The following BMAL2 variants were observed in gnomAD, a reference collection of about 807,000 sequenced individuals.
BMAL2 encodes the protein basic helix-loop-helix ARNT like 2, also known as basic helix-loop-helix ARNT-like protein 2.
chr12:27,403,576 A>C, the BMAL2 span: 1 of 1,305,778 alleles, frequency 7.7e-7, no homozygotes, highest in South Asian at 1.3e-5. Flanking sequence ...TTTCAAAAGT[A>C]AAAATATCAT....
the BMAL2 span, among the ~76,000 whole-genome samples, chr12:27,379,144 G>GATTGAGTCTAGA: frequency 6.6e-6 from 1 of 152,176 alleles, no homozygotes; most frequent in Middle Eastern, 3.2e-3. Context: ...ATTGAGTCTA[G>GATTGAGTCTAGA]TTGTGTTACC....
At chr12:27,402,558 G>C in the BMAL2 span, 1 of 1,353,246 alleles carries the variant, frequency 7.4e-7, no homozygotes, top group Admixed American at 1.9e-5. Context: ...TCTTAGTGTA[G>C]TTGCTATAAC....
chr12:27,400,844 T>C, the BMAL2 span: 1 of 1,348,996 alleles, frequency 7.4e-7, no homozygotes, highest in Middle Eastern at 2.5e-4. Context: ...CGTGTCTTAG[T>C]AGCACTGCTA....
chr12:27,360,605 C>CT, the BMAL2 span, among the ~76,000 whole-genome samples: 1 of 151,624 alleles, frequency 6.6e-6, no homozygotes, highest in South Asian at 2.1e-4. Flanking sequence ...TTCCTGACAC[C>CT]TTAGGCATCT....
At chr12:27,337,755 A>G in the BMAL2 span, among the ~76,000 whole-genome samples, 2 of 152,186 alleles carry the variant, frequency 1.3e-5, 1 homozygote, top group South Asian at 4.1e-4. Flanking sequence ...CTGAGCCCCA[A>G]TTTCCTTATC....
chr12:27,380,438 G>A, the BMAL2 span: 1 of 1,609,068 alleles, frequency 6.2e-7, no homozygotes. Flanking sequence ...ACTTCGATAA[G>A]TGAAATCTGC....
the BMAL2 span, among the ~76,000 whole-genome samples, chr12:27,356,203 A>T: frequency 3.3e-5 from 5 of 152,194 alleles, no homozygotes; most frequent in Admixed American, 3.3e-4. Flanking sequence ...TGTTTAGGCG[A>T]AGGTGGAATG....
the BMAL2 span, chr12:27,376,240 A>T: frequency 1.0e-6 from 1 of 981,596 alleles, no homozygotes; most frequent in Non-Finnish European, 1.5e-6. Context: ...AGGATTTTAT[A>T]GGAATTAGGA....
the BMAL2 span, among the ~76,000 whole-genome samples, chr12:27,344,225 A>C: frequency 6.6e-6 from 1 of 152,200 alleles, no homozygotes; most frequent in South Asian, 2.1e-4. Context: ...CCTAGATTGC[A>C]TTCCTTTAGT....
chr12:27,361,721 A>AT, the BMAL2 span, among the ~76,000 whole-genome samples: 1 of 152,168 alleles, frequency 6.6e-6, no homozygotes, highest in African/African-American at 2.4e-5. Context: ...CAACATGGAG[A>AT]TTATTTCCAA....
At chr12:27,420,206 G>A in the BMAL2 span, among the ~76,000 whole-genome samples, 1 of 152,092 alleles carries the variant, frequency 6.6e-6, no homozygotes, top group Non-Finnish European at 1.5e-5. Flanking sequence ...ATAAAACTAG[G>A]TAACCCATTT....
chr12:27,348,480 T>A, the BMAL2 span, among the ~76,000 whole-genome samples: 23 of 152,314 alleles, frequency 1.5e-4, no homozygotes, highest in African/African-American at 5.1e-4. Context: ...TATTTTTTTT[T>A]AATCTTAATT....
At chr12:27,400,684 T>C in the BMAL2 span, 56 of 1,613,896 alleles carry the variant, frequency 3.5e-5, no homozygotes, top group Non-Finnish European at 4.6e-5. Flanking sequence ...CCATATATTG[T>C]TCCACAGAAC....
chr12:27,350,942 A>G, the BMAL2 span, among the ~76,000 whole-genome samples: 1 of 149,054 alleles, frequency 6.7e-6, no homozygotes, highest in Non-Finnish European at 1.5e-5. Flanking sequence ...AGCCTCCCAA[A>G]GTGCTAGGAT....
At chr12:27,403,546 T>A in the BMAL2 span, 47 of 1,523,132 alleles carry the variant, frequency 3.1e-5, no homozygotes, top group Non-Finnish European at 4.2e-5. Context: ...ACAGAGGTAA[T>A]GTTTTATTGC....
At chr12:27,369,261 A>G in the BMAL2 span, among the ~76,000 whole-genome samples, 1 of 151,988 alleles carries the variant, frequency 6.6e-6, no homozygotes, top group African/African-American at 2.4e-5. Flanking sequence ...AGATAAGGAC[A>G]TAATAAAACA....
chr12:27,339,762 C>T, the BMAL2 span, among the ~76,000 whole-genome samples: 1 of 152,080 alleles, frequency 6.6e-6, no homozygotes, highest in Non-Finnish European at 1.5e-5. Context: ...GCAGCTGGAA[C>T]TACAGGTGCA....
At chr12:27,403,405 C>G in the BMAL2 span, 43 of 1,368,228 alleles carry the variant, frequency 3.1e-5, no homozygotes, top group African/African-American at 5.0e-4. Flanking sequence ...AAGTCCTCAA[C>G]TGAATTTCTC....
the BMAL2 span, chr12:27,424,543 T>C: frequency 4.6e-5 from 7 of 152,334 alleles, no homozygotes; most frequent in East Asian, 1.3e-3. Context: ...CAGAAAAGGA[T>C]GTCTTTGTTG....
Sources: allele counts gnomAD v4.1 joint callset (sites outside exome capture counted in the v4.1 genomes callset), GRCh38; gene constraint gnomAD v4.1.1; transcripts MANE v1.5; gene names NCBI Gene and HGNC (gene_info 2026-07-23, HGNC 2026-07-21).